Variants in STAC observed in about 807,000 individuals in gnomAD.
STAC encodes the protein SH3 and cysteine-rich domain-containing protein.
A neutral mutation model predicts 48.8 loss-of-function variants in STAC; 43 were observed. The observed-to-expected ratio is 0.88, with a 90% CI of 0.69 to 1.14. The LOEUF is 1.14. Among genes scored for constraint, STAC ranks in the 50% most tolerant of loss-of-function variants. The pLI is 0.00. For missense variants in STAC, 497 were observed against 504.0 expected (o/e 0.99, Z 0.13); for synonymous variants, 193 against 179.5 (o/e 1.07, Z -0.60).
chr3:36,479,062 T>G (rs73827532), intron 2 of STAC, among the ~76,000 whole-genome samples: 4,724 of 152,336 alleles, frequency 0.031, 222 homozygotes, highest in African/African-American at 0.11. Context: ...TGTCAGTTCT[T>G]CTGTTATGTA....
At chr3:36,505,322 T>C (rs1410421275) in intron 7 of STAC, among the ~76,000 whole-genome samples, 2 of 152,240 alleles carry the variant, frequency 1.3e-5, no homozygotes, top group East Asian at 3.9e-4. Context: ...CCCTTTGATA[T>C]ACTAGATACC....
intron 2 of STAC, among the ~76,000 whole-genome samples, chr3:36,464,399 A>G (rs550595741): frequency 1.6e-3 from 237 of 151,976 alleles, no homozygotes; most frequent in African/African-American, 5.4e-3. Flanking sequence ...GTTGGAGTTC[A>G]TTGTAGATTC....
intron 2 of STAC, among the ~76,000 whole-genome samples, chr3:36,472,510 C>G (rs1697368951): frequency 6.6e-6 from 1 of 152,206 alleles, no homozygotes; most frequent in South Asian, 2.1e-4. Context: ...ATTTTCTGAA[C>G]TTTGATGCTG....
chr3:36,407,001 G>A (rs547266588), intron 1 of STAC, among the ~76,000 whole-genome samples: 12 of 152,270 alleles, frequency 7.9e-5, no homozygotes, highest in Admixed American at 2.0e-4. Context: ...TGGATTAACC[G>A]CTCTAAATTC....
chr3:36,510,157 A>G (rs1698500944), intron 8 of STAC, among the ~76,000 whole-genome samples: 1 of 152,196 alleles, frequency 6.6e-6, no homozygotes, highest in African/African-American at 2.4e-5. Context: ...ATGAATGGAC[A>G]CTTCTCAAAA....
intron 1 of STAC, among the ~76,000 whole-genome samples, chr3:36,396,767 A>G (rs893924065): frequency 6.6e-6 from 1 of 152,142 alleles, no homozygotes; most frequent in African/African-American, 2.4e-5. Flanking sequence ...CGTTTTTATA[A>G]TTTCCTTCTC....
At chr3:36,483,775 G>A (rs895031451) in intron 3 of STAC, among the ~76,000 whole-genome samples, 7 of 152,120 alleles carry the variant, frequency 4.6e-5, no homozygotes, top group Admixed American at 4.6e-4. Flanking sequence ...AACATGGCAT[G>A]ACCCTGTCTC....
chr3:36,493,161 T>G lies in STAC; in HGVS notation c.698T>G (p.Leu233Arg), dbSNP rs753493903. 16 of 1,613,206 alleles carry G rather than the reference T, an allele frequency of 9.9e-6. No individual in the cohort carries two copies. Among genetic ancestry groups the G allele is most frequent in the Non-Finnish European group, 8.5e-7 (1 of 1,179,448 alleles). The change falls in exon 6 of 11, where the codon CTT becomes CGT. Residue 233 changes from leucine to arginine, a missense_variant. Leu to Arg is a moderately radical substitution (Grantham distance 102). Coordinates refer to ENST00000273183, the MANE Select transcript of STAC (RefSeq NM_003149.3). ...CTTCTTTCCTCCAAGACTTCAGATC[T>G]TGTGGAGGTTCCTGAGGAAGCCAAT... is the stretch of plus-strand genomic sequence containing the variant. ...DSPHRTSTSD[L>R]VEVPEEANGP...
intron 1 of STAC, among the ~76,000 whole-genome samples, chr3:36,442,126 T>C (rs1696367279): frequency 6.6e-6 from 1 of 152,204 alleles, no homozygotes; most frequent in African/African-American, 2.4e-5. Flanking sequence ...GCATGATCCA[T>C]TGATCATAAG....
chr3:36,534,077 T>C (rs1699138890), intron 10 of STAC, among the ~76,000 whole-genome samples: 1 of 152,184 alleles, frequency 6.6e-6, no homozygotes, highest in Non-Finnish European at 1.5e-5. Context: ...TCCTAAGTTA[T>C]TTTAGGTTGA....
chr3:36,489,808 G>C (rs1697918308), intron 5 of STAC, among the ~76,000 whole-genome samples: 1 of 152,156 alleles, frequency 6.6e-6, no homozygotes, highest in Non-Finnish European at 1.5e-5. Flanking sequence ...ATGAATGAAT[G>C]AGCACCCTCC....
intron 6 of STAC, among the ~76,000 whole-genome samples, chr3:36,495,407 T>A (rs573106972): frequency 1.3e-5 from 2 of 152,340 alleles, no homozygotes; most frequent in African/African-American, 4.8e-5. Flanking sequence ...ACATTCAGAC[T>A]GGCTCTTCCC....
intron 6 of STAC, among the ~76,000 whole-genome samples, chr3:36,501,479 G>A (rs1273749916): frequency 6.6e-6 from 1 of 151,862 alleles, no homozygotes; most frequent in Non-Finnish European, 1.5e-5. Context: ...ACATAACAGA[G>A]ATTGAAAAGA....
At chr3:36,533,748 T>G (rs1040555123) in intron 10 of STAC, among the ~76,000 whole-genome samples, 1 of 151,976 alleles carries the variant, frequency 6.6e-6, no homozygotes, top group East Asian at 1.9e-4. Flanking sequence ...GTTTGGGGTG[T>G]GGAGGAGGTA....
intron 7 of STAC, 25 bp from the exon 8 acceptor site, chr3:36,505,721 A>G: frequency 6.7e-7 from 1 of 1,484,594 alleles, no homozygotes; most frequent in South Asian, 1.2e-5. Context: ...TTCTTTTCTC[A>G]TTTTTCTTTT....
chr3:36,527,577 T>C (rs1294002833), intron 8 of STAC, among the ~76,000 whole-genome samples: 1 of 151,862 alleles, frequency 6.6e-6, no homozygotes, highest in South Asian at 2.1e-4. Context: ...AGACTGTAAG[T>C]GTGTAAGAAA....
intron 1 of STAC, among the ~76,000 whole-genome samples, chr3:36,412,347 T>A (rs1439209157): frequency 2.6e-5 from 4 of 152,148 alleles, no homozygotes; most frequent in Non-Finnish European, 5.9e-5. Context: ...CTACATTGGA[T>A]GTACATTTCA....
At chr3:36,446,680 G>A (rs1053204684) in intron 2 of STAC, among the ~76,000 whole-genome samples, 3 of 152,172 alleles carry the variant, frequency 2.0e-5, no homozygotes, top group African/African-American at 7.2e-5. Context: ...CTCAATGCAT[G>A]AGTCTACTTC....
At chr3:36,519,887 T>C (rs1409067405) in intron 8 of STAC, among the ~76,000 whole-genome samples, 1 of 152,152 alleles carries the variant, frequency 6.6e-6, no homozygotes, top group African/African-American at 2.4e-5. Flanking sequence ...AACCAGTCAG[T>C]AGTCACAGGA....
Sources: gnomAD v4.1 joint callset for allele counts (sites outside exome capture counted in the v4.1 genomes callset) on GRCh38, gnomAD v4.1.1 for gene constraint, MANE v1.5 for transcripts, NCBI Gene and HGNC (gene_info 2026-07-23, HGNC 2026-07-21) for gene names.